Variants in CRPPA observed in about 807,000 individuals in gnomAD.
CRPPA encodes the protein CDP-L-ribitol pyrophosphorylase A, also known as D-ribitol-5-phosphate cytidylyltransferase.
CRPPA carries 43 observed loss-of-function variants against 52.0 expected under a neutral mutation model. The observed-to-expected ratio is 0.83, with a 90% confidence interval of 0.65 to 1.07. The LOEUF (loss-of-function observed/expected upper bound fraction) is 1.07. CRPPA is among the 50% of genes least tolerant of loss of function. The probability of loss-of-function intolerance (pLI) is 0.00; values close to 1 mark genes in which losing one functional copy is unlikely to be tolerated. For synonymous variants in CRPPA, 250 were observed against 203.5 expected (o/e 1.23, Z -1.94); for missense variants, 629 against 551.7 (o/e 1.14, Z -1.40).
At chr7:16,126,831 G>A (rs1453633066) in intron 9 of CRPPA, among the ~76,000 whole-genome samples, 1 of 152,096 alleles carries the variant, frequency 6.6e-6, no homozygotes, top group Non-Finnish European at 1.5e-5. Flanking sequence ...ATGTGCTTAT[G>A]AATGAAAGGA....
chr7:16,345,325 T>C (rs1280859059), intron 3 of CRPPA, among the ~76,000 whole-genome samples: 1 of 152,164 alleles, frequency 6.6e-6, no homozygotes, highest in African/African-American at 2.4e-5. Context: ...CTGTTGCTAG[T>C]CAACCTGTGC....
intron 2 of CRPPA, among the ~76,000 whole-genome samples, chr7:16,403,313 G>A (rs887191780): frequency 5.3e-5 from 8 of 152,264 alleles, no homozygotes; most frequent in Admixed American, 3.9e-4. Flanking sequence ...TCCTTGTGAT[G>A]CTTTTGAGCT....
intron 8 of CRPPA, among the ~76,000 whole-genome samples, chr7:16,249,730 C>G (rs1013476606): frequency 5.3e-5 from 8 of 152,128 alleles, no homozygotes; most frequent in African/African-American, 1.9e-4. Flanking sequence ...CGGAGGTCAC[C>G]AACATCAAAG....
chr7:16,288,429 TAATTCC>T (rs1199133270), intron 5 of CRPPA, among the ~76,000 whole-genome samples: 1 of 151,890 alleles, frequency 6.6e-6, no homozygotes, highest in East Asian at 1.9e-4. Context: ...TAACATAGTG[TAATTCC>T]AACTTTATTA....
At chr7:16,283,711 A>T (rs1784366724) in intron 5 of CRPPA, among the ~76,000 whole-genome samples, 1 of 151,836 alleles carries the variant, frequency 6.6e-6, no homozygotes. Context: ...AGCTGCATTC[A>T]GTCGCCCATT....
intron 9 of CRPPA, among the ~76,000 whole-genome samples, chr7:16,189,597 T>C (rs1419182496): frequency 6.6e-6 from 1 of 152,224 alleles, no homozygotes; most frequent in Non-Finnish European, 1.5e-5. Flanking sequence ...TGTTGCCAAG[T>C]ACCACACAGG....
intron 3 of CRPPA, among the ~76,000 whole-genome samples, chr7:16,311,217 C>A (rs147574863): frequency 1.3e-5 from 2 of 152,050 alleles, no homozygotes; most frequent in Admixed American, 6.6e-5. Flanking sequence ...AATTACGACC[C>A]ATGCATTGTA....
intron 8 of CRPPA, among the ~76,000 whole-genome samples, chr7:16,222,270 A>T (rs957062648): frequency 7.3e-6 from 1 of 136,382 alleles, no homozygotes; most frequent in Admixed American, 8.2e-5. Flanking sequence ...CAGGAAGGGG[A>T]ATATCACACT....
intron 9 of CRPPA, among the ~76,000 whole-genome samples, chr7:16,201,768 T>C (rs1020755535): frequency 1.3e-5 from 2 of 152,214 alleles, no homozygotes; most frequent in Non-Finnish European, 2.9e-5. Flanking sequence ...TGCAACTGTA[T>C]GTTGCTTGCA....
intron 2 of CRPPA, among the ~76,000 whole-genome samples, chr7:16,399,112 G>C (rs980566896): frequency 2.6e-5 from 4 of 151,994 alleles, no homozygotes; most frequent in African/African-American, 9.7e-5. Flanking sequence ...TCGTCATTTT[G>C]GGTCAGCACG....
intron 9 of CRPPA, among the ~76,000 whole-genome samples, chr7:16,164,753 T>C (rs1421369265): frequency 6.6e-6 from 1 of 152,218 alleles, no homozygotes; most frequent in Non-Finnish European, 1.5e-5. Context: ...GTTTTCCTTC[T>C]AACAGGCCCC....
rs186958127 is a variant in CRPPA, at chr7:16,120,374, T to A, written c.1252-28575A>T. Reference sequence around the variant, plus strand: ...CACCCTGGTCTGCCTTCAATAAGAATCCCATCAAGTGAGTTTAACCAGAAT... The same window carrying A: ...CACCCTGGTCTGCCTTCAATAAGAAACCCATCAAGTGAGTTTAACCAGAAT... On this transcript the variant is annotated intron_variant, in intron 9 of 9. Coordinates refer to ENST00000407010, the MANE Select transcript of CRPPA (RefSeq NM_001101426.4). 2.5e-3 allele frequency among the ~76,000 whole-genome samples: 378 copies of A among 152,248 alleles called. 1 individual carries two copies. The highest frequency in any genetic ancestry group is 4.2e-3 in the Non-Finnish European group (283 of 67,978).
rs185355209 is a variant in CRPPA at position 16,249,866 on chromosome 7, G to A, written c.1119+8524C>T. Among the ~76,000 whole-genome samples, 521 of 152,262 alleles carry A rather than the reference G, an allele frequency of 3.4e-3. 1 individual carries two copies. The highest frequency in any genetic ancestry group is 7.7e-3 in the Admixed American group (118 of 15,302). ...TCCTCGCCAGCAAGGGAACAAAACT[G>A]GATGGAGAATGAGTTTGACAAACTG... On this transcript the variant is annotated intron_variant, in intron 8 of 9. Transcript: ENST00000407010.
At chr7:16,230,649 A>C (rs917257555) in intron 8 of CRPPA, among the ~76,000 whole-genome samples, 2 of 152,112 alleles carry the variant, frequency 1.3e-5, no homozygotes, top group Non-Finnish European at 2.9e-5. Context: ...CTTTAGGGTC[A>C]GTCACTTGTA....
chr7:16,350,978 C>G (rs1391568006), intron 3 of CRPPA, among the ~76,000 whole-genome samples: 1 of 151,808 alleles, frequency 6.6e-6, no homozygotes, highest in African/African-American at 2.4e-5. Flanking sequence ...GACATTAGGC[C>G]AAAAACTGTA....
chr7:16,088,686 G>A lies in CRPPA; in HGVS notation c.*3009C>T, dbSNP rs1781750566. The A allele has an allele frequency of 6.5e-6, 1 of 154,030 alleles. No homozygotes were observed. Among genetic ancestry groups the A allele is most frequent in the Non-Finnish European group, 1.4e-5 (1 of 69,354 alleles). 9.5% of individuals were successfully genotyped at this position (154,030 alleles called of 1,614,324 possible). A position where few individuals can be genotyped will look rare whatever the true frequency, so the allele number is the denominator to read the frequency against. ...GCCTGCCTCGGCCTCCCAAAGTGCT[G>A]GGATTTCAGGCGTGAGCCATCGCGC... is the stretch of plus-strand genomic sequence containing the variant. On this transcript the variant is annotated 3_prime_UTR_variant, in exon 10 of 10. Coordinates refer to ENST00000407010, the MANE Select transcript of CRPPA (RefSeq NM_001101426.4).
In CRPPA at chr7:16,389,928, AATATATATAT is replaced by A. The variant is rs1202579530; in HGVS notation, c.535-13697_535-13688del. On this transcript the variant is annotated intron_variant, in intron 2 of 9. Transcript: ENST00000407010. ...GCCTAGTATACAAAAAAAAAAAAAAAATATATATATATATATATATATATATATATCAGTT... is the reference window on the plus strand; with the variant it reads ...GCCTAGTATACAAAAAAAAAAAAAAAATATATATATATATATATATCAGTT... 3.0e-4 allele frequency among the ~76,000 whole-genome samples: 9 copies of A among 29,760 alleles called. 1 individual carries two copies. Among genetic ancestry groups the A allele is most frequent in the African/African-American group, 6.9e-4 (4 of 5,784 alleles). 19.5% of individuals were successfully genotyped at this position (29,760 alleles called of 152,430 possible). A position where few individuals can be genotyped will look rare whatever the true frequency, so the allele number is the denominator to read the frequency against.
At chr7:16,285,446 A>C (rs1371854165) in intron 5 of CRPPA, among the ~76,000 whole-genome samples, 1 of 152,162 alleles carries the variant, frequency 6.6e-6, no homozygotes, top group Admixed American at 6.6e-5. Context: ...GGCCAGTGGC[A>C]GATGGCAAAA....
At chr7:16,272,089 T>C (rs1483287320) in intron 6 of CRPPA, among the ~76,000 whole-genome samples, 1 of 152,166 alleles carries the variant, frequency 6.6e-6, no homozygotes, top group Non-Finnish European at 1.5e-5. Flanking sequence ...CTGATCTATC[T>C]CTGGAGAGCT....
Sources: gnomAD v4.1 joint callset for allele counts (sites outside exome capture counted in the v4.1 genomes callset) on GRCh38, gnomAD v4.1.1 for gene constraint, MANE v1.5 for transcripts, NCBI Gene and HGNC (gene_info 2026-07-23, HGNC 2026-07-21) for gene names.